The following STK3 variants were observed in gnomAD, a reference collection of about 807,000 sequenced individuals.
STK3 encodes serine/threonine-protein kinase 3.
In STK3, 41 loss-of-function variants were observed where a neutral mutation model predicts 58.0. The observed-to-expected ratio is 0.71, with a 90% confidence interval of 0.55 to 0.92. The LOEUF is 0.92. Ranked by LOEUF, STK3 falls within the 40% of genes least tolerant of loss-of-function variation. The probability of loss-of-function intolerance (pLI) is 0.00; values close to 1 mark genes in which losing one functional copy is unlikely to be tolerated. For missense variants in STK3, 479 were observed against 602.7 expected, an observed-to-expected ratio of 0.79 and a Z score of 2.15; for synonymous variants, 170 against 191.0, an observed-to-expected ratio of 0.89 and a Z score of 0.91.
intron 2 of STK3, among the ~76,000 whole-genome samples, chr8:98,435,389 G>C (rs1000757308): frequency 6.6e-6 from 1 of 152,216 alleles, no homozygotes; most frequent in Non-Finnish European, 1.5e-5. Context: ...GTGCAGATGG[G>C]GGGCAGAAGT....
chr8:98,541,671 C>G (rs1039576920), intron 9 of STK3, among the ~76,000 whole-genome samples: 1 of 152,158 alleles, frequency 6.6e-6, no homozygotes, highest in Non-Finnish European at 1.5e-5. Context: ...AACTGTTGCA[C>G]TCTCATAACA....
chr8:98,593,771 T>C (rs142608634), intron 7 of STK3, among the ~76,000 whole-genome samples: 4,520 of 152,142 alleles, frequency 0.03, 96 homozygotes, highest in South Asian at 0.061. Context: ...GCCAAAAAGG[T>C]TGGGGACAAC....
chr8:98,345,194 T>G, the STK3 span, among the ~76,000 whole-genome samples: 1 of 152,032 alleles, frequency 6.6e-6, no homozygotes, highest in East Asian at 1.9e-4. Context: ...GATCTATGTA[T>G]GCTTAATCTA....
At chr8:98,424,681 G>C (rs1020854046) in intron 3 of STK3, among the ~76,000 whole-genome samples, 3 of 152,150 alleles carry the variant, frequency 2.0e-5, no homozygotes, top group African/African-American at 7.2e-5. Flanking sequence ...AGAAGGAGGC[G>C]GGCAGATACA....
chr8:98,408,955 G>A (rs184299852), intron 3 of STK3, among the ~76,000 whole-genome samples: 25 of 152,188 alleles, frequency 1.6e-4, no homozygotes, highest in Non-Finnish European at 2.2e-4. Context: ...GAAAGAAAAC[G>A]TCCCCTGTTG....
At chr8:98,407,060 A>G (rs776299557) in intron 3 of STK3, among the ~76,000 whole-genome samples, 1 of 152,248 alleles carries the variant, frequency 6.6e-6, no homozygotes, top group Non-Finnish European at 1.5e-5. Context: ...CACTGAAACC[A>G]GATGGGGCAC....
chr8:98,525,562 AAGT>A, intron 10 of STK3, among the ~76,000 whole-genome samples: 1 of 152,132 alleles, frequency 6.6e-6, no homozygotes. Context: ...AATTTTAAAA[AAGT>A]AGATAGGTTA....
At chr8:98,588,207 A>C (rs753976067) in intron 7 of STK3, among the ~76,000 whole-genome samples, 73 of 151,200 alleles carry the variant, frequency 4.8e-4, no homozygotes, top group Admixed American at 1.3e-3. Context: ...TGGTCTTTAC[A>C]CTTTGGCATG....
intron 4 of STK3, among the ~76,000 whole-genome samples, chr8:98,740,934 G>A (rs1348690365): frequency 1.3e-5 from 2 of 151,792 alleles, no homozygotes; most frequent in East Asian, 1.9e-4. Context: ...AAAAAGGCAG[G>A]GGTTGCAATC....
intron 9 of STK3, among the ~76,000 whole-genome samples, chr8:98,544,233 AT>A (rs1440948416): frequency 6.6e-6 from 1 of 152,176 alleles, no homozygotes; most frequent in Non-Finnish European, 1.5e-5. Context: ...ATTTCCCAAA[AT>A]GTGTTTCTCA....
At chr8:98,592,257 T>C (rs976326269) in intron 7 of STK3, among the ~76,000 whole-genome samples, 11 of 152,166 alleles carry the variant, frequency 7.2e-5, no homozygotes, top group African/African-American at 2.4e-4. Flanking sequence ...CTTCTCTAAC[T>C]GGTGTTTCTA....
intron 3 of STK3, among the ~76,000 whole-genome samples, chr8:98,850,634 T>C (rs1421064134): frequency 6.6e-6 from 1 of 152,048 alleles, no homozygotes. Flanking sequence ...GAGCAGTATG[T>C]ACGAAGGCAT....
intron 6 of STK3, among the ~76,000 whole-genome samples, chr8:98,599,383 G>A (rs1029961810): frequency 5.3e-5 from 8 of 151,934 alleles, no homozygotes; most frequent in Non-Finnish European, 8.8e-5. Context: ...TACTGGACAT[G>A]AGTCAGAAAA....
At chr8:98,662,898 A>G (rs1020315501) in intron 6 of STK3, among the ~76,000 whole-genome samples, 1 of 152,122 alleles carries the variant, frequency 6.6e-6, no homozygotes, top group South Asian at 2.1e-4. Context: ...TTAAAGACTT[A>G]AATGTTAGAC....
At chr8:98,417,983 C>T (rs1396488543) in intron 3 of STK3, among the ~76,000 whole-genome samples, 1 of 152,076 alleles carries the variant, frequency 6.6e-6, no homozygotes, top group Non-Finnish European at 1.5e-5. Context: ...AATTGTAGCT[C>T]ACTGCAGCCT....
intron 3 of STK3, among the ~76,000 whole-genome samples, chr8:98,878,667 C>T (rs1036411337): frequency 6.6e-6 from 1 of 152,138 alleles, no homozygotes; most frequent in Non-Finnish European, 1.5e-5. Context: ...GAACACCTTC[C>T]CCTTTCTTGT....
rs375917515 is a variant in STK3 at position 98,537,444 on chromosome 8, A to G, written c.1141+10525T>C. On this transcript the variant is annotated intron_variant, in intron 9 of 10. Transcript: ENST00000419617. ...CGCAGCTGAGTCTCCAGGGAGATAC[A>G]TGTTCACAGAAGTGGGACAGAGAGG... Among the ~76,000 whole-genome samples the G allele has an allele frequency of 3.3e-5, 5 of 152,180 alleles. No individual in the cohort carries two copies. The East Asian group carries it at 9.6e-4, about 29-fold the overall frequency.
chr8:98,513,206 C>T (rs1439901104), intron 10 of STK3, among the ~76,000 whole-genome samples: 1 of 152,084 alleles, frequency 6.6e-6, no homozygotes, highest in Non-Finnish European at 1.5e-5. Context: ...AAGACAGCCA[C>T]CAACCAAATG....
chr8:98,674,256 A>T (rs1823037908), intron 6 of STK3, among the ~76,000 whole-genome samples: 1 of 152,174 alleles, frequency 6.6e-6, no homozygotes, highest in Admixed American at 6.5e-5. Flanking sequence ...TTATTTTGTA[A>T]ATTTAACCCC....
Sources: allele counts gnomAD v4.1 joint callset (sites outside exome capture counted in the v4.1 genomes callset), GRCh38; gene constraint gnomAD v4.1.1; transcripts MANE v1.5; gene names NCBI Gene and HGNC (gene_info 2026-07-23, HGNC 2026-07-21).